ELOVL6: variants seen among roughly 807,000 people sequenced by gnomAD.
The protein encoded by ELOVL6 is ELOVL fatty acid elongase 6, also known as very long chain fatty acid elongase 6.
ELOVL6 carries 8 observed loss-of-function variants against 31.7 expected under a neutral mutation model. The ratio of observed to expected loss-of-function variants is 0.25; its 90% confidence interval spans 0.15 to 0.45. The LOEUF is 0.45. ELOVL6 is among the 20% of genes least tolerant of loss of function. The pLI, the probability that ELOVL6 is intolerant of heterozygous loss-of-function variation, is 1.00. For synonymous variants in ELOVL6, 101 were observed against 117.7 expected (o/e 0.86, Z 0.92); for missense variants, 126 against 326.4 (o/e 0.39, Z 4.73).
At chr4:110,165,347 TC>T (rs1402416598) in intron 1 of ELOVL6, among the ~76,000 whole-genome samples, 1 of 152,146 alleles carries the variant, frequency 6.6e-6, no homozygotes, top group African/African-American at 2.4e-5. Flanking sequence ...TGTGGTTCCT[TC>T]CTGTCTAGCA....
At chr4:110,194,883 T>C (rs1428590289) in intron 1 of ELOVL6, among the ~76,000 whole-genome samples, 2 of 152,236 alleles carry the variant, frequency 1.3e-5, no homozygotes, top group East Asian at 3.8e-4. Flanking sequence ...GATGTTTTAA[T>C]TCTCTAAATT....
chr4:110,150,829 G>T (rs1758258078), intron 1 of ELOVL6, among the ~76,000 whole-genome samples: 1 of 152,134 alleles, frequency 6.6e-6, no homozygotes, highest in South Asian at 2.1e-4. Flanking sequence ...GATCACCTGA[G>T]GTCAGGAGTT....
At chr4:110,083,580 G>C (rs1755952284) in intron 2 of ELOVL6, among the ~76,000 whole-genome samples, 1 of 151,582 alleles carries the variant, frequency 6.6e-6, no homozygotes, top group Non-Finnish European at 1.5e-5. Context: ...TATTCTAACT[G>C]CACTGTACAA....
intron 1 of ELOVL6, among the ~76,000 whole-genome samples, chr4:110,113,406 C>T (rs1382467207): frequency 7.5e-6 from 1 of 133,704 alleles, no homozygotes; most frequent in Admixed American, 7.3e-5. Flanking sequence ...TACTGAGACC[C>T]CCTCCATCTC....
At chr4:110,196,226 G>A (rs1219375224) in intron 1 of ELOVL6, among the ~76,000 whole-genome samples, 1 of 152,234 alleles carries the variant, frequency 6.6e-6, no homozygotes, top group Non-Finnish European at 1.5e-5. Context: ...GACTCCGGAA[G>A]AGCAGGTTAA....
At chr4:110,093,838 A>G (rs1756489420) in intron 2 of ELOVL6, among the ~76,000 whole-genome samples, 1 of 152,138 alleles carries the variant, frequency 6.6e-6, no homozygotes, top group African/African-American at 2.4e-5. Context: ...GAAAAATAAG[A>G]AAAGGCAATT....
intron 1 of ELOVL6, among the ~76,000 whole-genome samples, chr4:110,135,386 A>G (rs992975863): frequency 1.3e-5 from 2 of 152,228 alleles, no homozygotes; most frequent in Admixed American, 1.3e-4. Context: ...ACTTGTAAGA[A>G]ATGGAGTGAG....
intron 1 of ELOVL6, among the ~76,000 whole-genome samples, chr4:110,122,840 A>C (rs1041201510): frequency 6.6e-6 from 1 of 152,216 alleles, no homozygotes; most frequent in Non-Finnish European, 1.5e-5. Flanking sequence ...TGTTCTCAGT[A>C]CGTTGAATGC....
chr4:110,081,895 A>C (rs1755867658), intron 2 of ELOVL6, among the ~76,000 whole-genome samples: 2 of 151,014 alleles, frequency 1.3e-5, no homozygotes. Context: ...ACAAATTTAC[A>C]AGAAAAAAAC....
intron 1 of ELOVL6, among the ~76,000 whole-genome samples, chr4:110,155,516 A>G (rs781284040): frequency 2.6e-5 from 4 of 152,314 alleles, no homozygotes; most frequent in Non-Finnish European, 4.4e-5. Flanking sequence ...AAGTTTAACA[A>G]TTTGTATCAC....
At position 110,178,096 on chromosome 4, in the gene ELOVL6, A is replaced by G. The variant is rs145330011; in HGVS notation, c.89+20151T>C. Among the ~76,000 whole-genome samples, 304 of 152,308 alleles carry G rather than the reference A, an allele frequency of 2.0e-3. 2 individuals carry two copies. Among genetic ancestry groups the G allele is most frequent in the African/African-American group, 6.8e-3 (284 of 41,562 alleles). On this transcript the variant is annotated intron_variant, in intron 1 of 3. Transcript: ENST00000302274. ...TGAGATGCATCTCCTCAAGCTTTTC[A>G]TGTGTCAGCCAGAACATTACATTAA...
At chr4:110,100,925 C>T (rs930900230) in intron 2 of ELOVL6, among the ~76,000 whole-genome samples, 2 of 152,166 alleles carry the variant, frequency 1.3e-5, no homozygotes, top group East Asian at 3.8e-4. Flanking sequence ...AGTGTAAGAG[C>T]CACTCAAAAC....
At chr4:110,154,758 G>T (rs895566193) in intron 1 of ELOVL6, among the ~76,000 whole-genome samples, 46 of 152,212 alleles carry the variant, frequency 3.0e-4, no homozygotes, top group African/African-American at 1.0e-3. Context: ...GGTGCTACAT[G>T]AAAGGGAAGT....
intron 2 of ELOVL6, among the ~76,000 whole-genome samples, chr4:110,065,272 G>C (rs937781891): frequency 6.6e-6 from 1 of 152,144 alleles, no homozygotes; most frequent in Non-Finnish European, 1.5e-5. Context: ...TTGTGTAGGT[G>C]TATGTATTGG....
At chr4:110,164,008 A>C (rs1397635191) in intron 1 of ELOVL6, among the ~76,000 whole-genome samples, 1 of 152,214 alleles carries the variant, frequency 6.6e-6, no homozygotes, top group African/African-American at 2.4e-5. Context: ...GTTGGCTAGG[A>C]ATTCATTACT....
chr4:110,125,650 A>G lies in ELOVL6; in HGVS notation c.90-20022T>C, dbSNP rs535751776. Among the ~76,000 whole-genome samples the G allele has an allele frequency of 1.4e-4, 21 of 151,068 alleles. No individual in the cohort carries two copies. In the East Asian group the frequency reaches 4.1e-3, roughly 30 times the overall value. ...AGCCTGGTCAACATAGTGAAACCCC[A>G]TCTCTCTTAAAAAAAAAATAAAAAA... is the stretch of plus-strand genomic sequence containing the variant. On this transcript the variant is annotated intron_variant, in intron 1 of 3. Transcript: ENST00000302274.
At chr4:110,093,319 G>T (rs1168026016) in intron 2 of ELOVL6, among the ~76,000 whole-genome samples, 1 of 152,120 alleles carries the variant, frequency 6.6e-6, no homozygotes, top group Non-Finnish European at 1.5e-5. Flanking sequence ...TGATTTTGTG[G>T]TTTTCAGTTT....
intron 2 of ELOVL6, among the ~76,000 whole-genome samples, chr4:110,064,647 C>A (rs941891480): frequency 6.6e-6 from 1 of 151,826 alleles, no homozygotes; most frequent in East Asian, 1.9e-4. Context: ...TAATCAAGCA[C>A]ATATTAGAAA....
At chr4:110,143,279 ACTTAT>A (rs1005917856) in intron 1 of ELOVL6, among the ~76,000 whole-genome samples, 2 of 152,042 alleles carry the variant, frequency 1.3e-5, no homozygotes, top group African/African-American at 4.8e-5. Flanking sequence ...TTTTTTTTTA[ACTTAT>A]CTTTACCATA....
Sources: gnomAD v4.1 joint callset for allele counts (sites outside exome capture counted in the v4.1 genomes callset) on GRCh38, gnomAD v4.1.1 for gene constraint, MANE v1.5 for transcripts, NCBI Gene and HGNC (gene_info 2026-07-23, HGNC 2026-07-21) for gene names.